FRMD3: variants seen among roughly 807,000 people sequenced by gnomAD.
The protein encoded by FRMD3 is FERM domain containing 3.
A neutral mutation model predicts 70.2 loss-of-function variants in FRMD3; 33 were observed. The ratio of observed to expected loss-of-function variants is 0.47; its 90% CI spans 0.36 to 0.63. The LOEUF (loss-of-function observed/expected upper bound fraction) is 0.63, where lower values mean the gene tolerates loss of function less well. Among genes scored for constraint, FRMD3 ranks in the 20% least tolerant of loss-of-function variants. FRMD3 has a pLI of 0.00. For synonymous variants in FRMD3, 279 were observed against 255.9 expected (o/e 1.09, Z -0.86); for missense variants, 632 against 711.4 (o/e 0.89, Z 1.27).
At chr9:83,381,865 C>T (rs912961344) in intron 2 of FRMD3, among the ~76,000 whole-genome samples, 3 of 152,042 alleles carry the variant, frequency 2.0e-5, no homozygotes, top group Admixed American at 1.3e-4. Flanking sequence ...ACTACTCAAC[C>T]CTGCTATTGG....
At chr9:83,426,398 C>T (rs766857276) in intron 1 of FRMD3, among the ~76,000 whole-genome samples, 1 of 152,222 alleles carries the variant, frequency 6.6e-6, no homozygotes, top group African/African-American at 2.4e-5. Context: ...TCTCAAGAAA[C>T]ATATGGACAG....
chr9:83,291,587 C>T (rs1834421298), intron 12 of FRMD3, among the ~76,000 whole-genome samples: 1 of 152,120 alleles, frequency 6.6e-6, no homozygotes, highest in Admixed American at 6.5e-5. Context: ...CTCTCTCTCT[C>T]CCTTCCTCTC....
intron 1 of FRMD3, among the ~76,000 whole-genome samples, chr9:83,520,834 A>G (rs2131544667): frequency 6.6e-6 from 1 of 152,228 alleles, no homozygotes; most frequent in South Asian, 2.1e-4. Flanking sequence ...GTTGCTTTGA[A>G]AAGGTCTCCG....
At chr9:83,422,450 A>G (rs1826673581) in intron 1 of FRMD3, among the ~76,000 whole-genome samples, 1 of 152,200 alleles carries the variant, frequency 6.6e-6, no homozygotes, top group Admixed American at 6.5e-5. Flanking sequence ...ACAAAAATAA[A>G]CATAAGGCGA....
At chr9:83,532,383 A>G (rs1160943651) in intron 1 of FRMD3, among the ~76,000 whole-genome samples, 1 of 152,092 alleles carries the variant, frequency 6.6e-6, no homozygotes, top group African/African-American at 2.4e-5. Context: ...CCCAGAACCC[A>G]CCCATTCCAT....
chr9:83,506,545 A>T (rs1829186130), intron 1 of FRMD3, among the ~76,000 whole-genome samples: 1 of 152,180 alleles, frequency 6.6e-6, no homozygotes, highest in Non-Finnish European at 1.5e-5. Context: ...AATCGACTTA[A>T]AATGGCTCCC....
chr9:83,291,394 C>T (rs187243152), intron 12 of FRMD3, among the ~76,000 whole-genome samples: 10 of 152,176 alleles, frequency 6.6e-5, no homozygotes, highest in African/African-American at 2.2e-4. Flanking sequence ...CTTGCCCTAC[C>T]TGCTGCAGAG....
At chr9:83,268,283 G>A (rs1191353470) in intron 13 of FRMD3, among the ~76,000 whole-genome samples, 1 of 152,168 alleles carries the variant, frequency 6.6e-6, no homozygotes. Flanking sequence ...GAAATTCCAT[G>A]TTGTTATGCA....
At chr9:83,328,849 C>T (rs1225591598) in intron 6 of FRMD3, among the ~76,000 whole-genome samples, 1 of 152,132 alleles carries the variant, frequency 6.6e-6, no homozygotes, top group African/African-American at 2.4e-5. Flanking sequence ...GATAAATATC[C>T]TCTGGATAAA....
Position 83,438,592 on chromosome 9 carries a change from G to T in FRMD3, c.148-48884C>A, listed in dbSNP as rs183562790. ...TTTTTGTATTTTTAGTAGAGACAGGGTTTCACCATATTGGCCAGGCTGTTC... is the reference window on the plus strand; with the variant it reads ...TTTTTGTATTTTTAGTAGAGACAGGTTTTCACCATATTGGCCAGGCTGTTC... On this transcript the variant is annotated intron_variant, in intron 1 of 13. Transcript: ENST00000304195. Among the ~76,000 whole-genome samples, 426 of 152,160 alleles carry T rather than the reference G, an allele frequency of 2.8e-3. 3 individuals are homozygous for T. The highest frequency in any genetic ancestry group is 7.1e-3 in the Admixed American group (109 of 15,284).
At chr9:83,387,383 T>A (rs1443425879) in intron 2 of FRMD3, among the ~76,000 whole-genome samples, 1 of 152,196 alleles carries the variant, frequency 6.6e-6, no homozygotes, top group Admixed American at 6.5e-5. Context: ...TGTTCCTTAA[T>A]GTCTTGCCTT....
intron 13 of FRMD3, among the ~76,000 whole-genome samples, chr9:83,260,742 T>TG (rs1343217460): frequency 1.3e-5 from 2 of 152,150 alleles, no homozygotes; most frequent in African/African-American, 2.4e-5. Context: ...ACTCTCTACA[T>TG]GTTCTATCAG....
At chr9:83,528,308 C>CAA (rs1021719508) in intron 1 of FRMD3, among the ~76,000 whole-genome samples, 1 of 151,888 alleles carries the variant, frequency 6.6e-6, no homozygotes, top group Non-Finnish European at 1.5e-5. Flanking sequence ...CACACACACA[C>CAA]ACACACACAC....
At chr9:83,264,754 A>G (rs1447797545) in intron 13 of FRMD3, among the ~76,000 whole-genome samples, 2 of 151,568 alleles carry the variant, frequency 1.3e-5, no homozygotes, top group African/African-American at 2.4e-5. Flanking sequence ...ACCCTTTAAT[A>G]TAATGGAAAA....
chr9:83,452,121 T>A lies in FRMD3; in HGVS notation c.148-62413A>T, dbSNP rs1350827138. ...GCAGCCATGCTGATGGGGGAACAAA[T>A]AACTGTGGCCTTCCCCCAACAGTTC... On this transcript the variant is annotated intron_variant, in intron 1 of 13. Transcript: ENST00000304195. Among the ~76,000 whole-genome samples the A allele has an allele frequency of 3.9e-5, 6 of 152,318 alleles. No individual in the cohort carries two copies. The East Asian group carries it at 5.8e-4, about 15-fold the overall frequency.
intron 1 of FRMD3, among the ~76,000 whole-genome samples, chr9:83,520,560 T>C (rs1361322127): frequency 6.6e-6 from 1 of 152,142 alleles, no homozygotes; most frequent in Non-Finnish European, 1.5e-5. Context: ...TGAAATTAAA[T>C]AGCTATGAAA....
intron 1 of FRMD3, among the ~76,000 whole-genome samples, chr9:83,396,761 A>G (rs1332721647): frequency 6.6e-6 from 1 of 152,192 alleles, no homozygotes; most frequent in Admixed American, 6.5e-5. Context: ...CAAACTGTCA[A>G]TCAGTTAATG....
the FRMD3 span, among the ~76,000 whole-genome samples, chr9:83,560,484 C>T: frequency 6.6e-6 from 1 of 152,226 alleles, no homozygotes; most frequent in East Asian, 1.9e-4. Flanking sequence ...TAATCGGAGC[C>T]TTCCAGTTCA....
chr9:83,262,877 C>T (rs763404756), intron 13 of FRMD3, among the ~76,000 whole-genome samples: 2 of 152,088 alleles, frequency 1.3e-5, no homozygotes, highest in Non-Finnish European at 2.9e-5. Flanking sequence ...TCCTTATGGC[C>T]CATTTCTCTC....
Sources: gnomAD v4.1 joint callset for allele counts (sites outside exome capture counted in the v4.1 genomes callset) on GRCh38, gnomAD v4.1.1 for gene constraint, MANE v1.5 for transcripts, NCBI Gene and HGNC (gene_info 2026-07-23, HGNC 2026-07-21) for gene names.